MEOX2: variants seen among roughly 807,000 people sequenced by gnomAD.
MEOX2 encodes the protein homeobox protein MOX-2.
Under a neutral mutation model 27.0 loss-of-function variants are expected in MEOX2, and 11 were observed. That is an observed-to-expected ratio of 0.41 (90% CI 0.26 to 0.68). The LOEUF is 0.68. MEOX2 is among the 30% of genes least tolerant of loss of function. The probability of loss-of-function intolerance (pLI) is 0.33; values close to 1 mark genes in which losing one functional copy is unlikely to be tolerated. For synonymous variants in MEOX2, 189 were observed against 155.4 expected, an observed-to-expected ratio of 1.22 and a Z score of -1.61; for missense variants, 436 against 385.4, an observed-to-expected ratio of 1.13 and a Z score of -1.10.
At chr7:15,633,240 A>G (rs574963273) in intron 1 of MEOX2, among the ~76,000 whole-genome samples, 1 of 152,058 alleles carries the variant, frequency 6.6e-6, no homozygotes, top group South Asian at 2.1e-4. Context: ...CGCAGAAGCA[A>G]TAGGCAAGAT....
At chr7:15,668,784 C>T (rs1209839046) in intron 1 of MEOX2, among the ~76,000 whole-genome samples, 8 of 152,022 alleles carry the variant, frequency 5.3e-5, no homozygotes, top group Non-Finnish European at 1.0e-4. Flanking sequence ...CCAGTAGTTA[C>T]GTTTTAGGAG....
intron 2 of MEOX2, among the ~76,000 whole-genome samples, chr7:15,617,785 C>G (rs975455944): frequency 6.6e-6 from 1 of 152,074 alleles, no homozygotes; most frequent in African/African-American, 2.4e-5. Flanking sequence ...CATTTTCCTA[C>G]CTCTGTAATT....
intron 1 of MEOX2, chr7:15,668,203 T>G (rs1782039565): frequency 6.6e-6 from 1 of 152,230 alleles, no homozygotes; most frequent in Non-Finnish European, 1.5e-5. Flanking sequence ...ACAGAAGACC[T>G]TTGCCTTCTC....
intron 1 of MEOX2, among the ~76,000 whole-genome samples, chr7:15,670,834 G>T (rs1346496027): frequency 6.6e-6 from 1 of 152,094 alleles, no homozygotes; most frequent in Non-Finnish European, 1.5e-5. Context: ...AGACTACGGG[G>T]TCCTTGACTC....
intron 1 of MEOX2, among the ~76,000 whole-genome samples, chr7:15,653,835 C>T (rs1012324260): frequency 1.3e-5 from 2 of 151,906 alleles, no homozygotes; most frequent in Admixed American, 6.6e-5. Flanking sequence ...TGTAATACAT[C>T]AAAATAGAAT....
At chr7:15,649,696 T>C (rs1460199521) in intron 1 of MEOX2, among the ~76,000 whole-genome samples, 1 of 152,078 alleles carries the variant, frequency 6.6e-6, no homozygotes, top group East Asian at 1.9e-4. Flanking sequence ...CATGAATGAA[T>C]GACAAGCTGA....
chr7:15,653,878 C>G (rs1781779275), intron 1 of MEOX2, among the ~76,000 whole-genome samples: 1 of 151,952 alleles, frequency 6.6e-6, no homozygotes, highest in African/African-American at 2.4e-5. Flanking sequence ...TCTCCCTGTT[C>G]AAAATCGTTT....
intron 1 of MEOX2, chr7:15,677,772 T>A (rs772042077): frequency 6.6e-6 from 1 of 152,228 alleles, no homozygotes; most frequent in South Asian, 2.1e-4. Flanking sequence ...CAAATTGCCA[T>A]CATCAAACTC....
At chr7:15,674,374 G>A (rs1782157783) in intron 1 of MEOX2, among the ~76,000 whole-genome samples, 1 of 152,092 alleles carries the variant, frequency 6.6e-6, no homozygotes. Flanking sequence ...AGACCTGAAA[G>A]TAGGCAAAGG....
chr7:15,612,466 G>T lies in MEOX2; in HGVS notation c.836C>A (p.Thr279Asn). The T allele has an allele frequency of 6.2e-7, 1 of 1,614,132 alleles. No homozygotes were observed. The highest frequency in any genetic ancestry group is 8.5e-7 in the Non-Finnish European group (1 of 1,180,024). ...PSELSGIGAA[T>N]LQQTGDSIAN... ...TATAGAGTCCCCTGTTTGCTGGAGG[G>T]TGGCTGCACCAATTCCCGACAGCTC... The change falls in exon 3 of 3, where the codon ACC becomes AAC. Residue 279 changes from threonine to asparagine, a missense_variant. Transcript: ENST00000262041.
intron 1 of MEOX2, among the ~76,000 whole-genome samples, chr7:15,634,674 AG>A (rs1781455026): frequency 6.6e-6 from 1 of 151,964 alleles, no homozygotes; most frequent in Non-Finnish European, 1.5e-5. Context: ...AACTCTTTTT[AG>A]GAATGACCAA....
intron 1 of MEOX2, among the ~76,000 whole-genome samples, chr7:15,650,909 G>C (rs1781723374): frequency 6.6e-6 from 1 of 151,982 alleles, no homozygotes; most frequent in Non-Finnish European, 1.5e-5. Flanking sequence ...TATGAATCAG[G>C]ACTTGGAAAC....
chr7:15,621,071 C>A (rs1294241206), intron 2 of MEOX2, among the ~76,000 whole-genome samples: 2 of 152,094 alleles, frequency 1.3e-5, no homozygotes, highest in East Asian at 3.9e-4. Context: ...GAAAAAAACG[C>A]CAGAATAAGC....
At chr7:15,679,141 C>G (rs1417748621) in intron 1 of MEOX2, 3 of 152,106 alleles carry the variant, frequency 2.0e-5, no homozygotes, top group African/African-American at 7.2e-5. Flanking sequence ...TTCAGATTTA[C>G]TATTATCAGG....
chr7:15,671,064 T>G (rs949066199), intron 1 of MEOX2, among the ~76,000 whole-genome samples: 1 of 152,172 alleles, frequency 6.6e-6, no homozygotes, highest in African/African-American at 2.4e-5. Context: ...TTGAACATAA[T>G]GGACACAGGG....
chr7:15,621,885 G>C (rs564586743), intron 2 of MEOX2, among the ~76,000 whole-genome samples: 1 of 152,142 alleles, frequency 6.6e-6, no homozygotes, highest in Non-Finnish European at 1.5e-5. Flanking sequence ...TTGGGAGGCC[G>C]AGGCTGGTGG....
chr7:15,649,385 G>A (rs575065832), intron 1 of MEOX2, among the ~76,000 whole-genome samples: 10 of 152,028 alleles, frequency 6.6e-5, no homozygotes, highest in South Asian at 4.2e-4. Context: ...CTAAAACATC[G>A]AAGAACATAC....
At chr7:15,658,575 T>A (rs1329695764) in intron 1 of MEOX2, among the ~76,000 whole-genome samples, 1 of 152,160 alleles carries the variant, frequency 6.6e-6, no homozygotes, top group Non-Finnish European at 1.5e-5. Flanking sequence ...CCTTAGCTGT[T>A]ATGGACCAAA....
chr7:15,613,467 C>T (rs1781066740), intron 2 of MEOX2, among the ~76,000 whole-genome samples: 1 of 151,446 alleles, frequency 6.6e-6, no homozygotes, highest in South Asian at 2.1e-4. Flanking sequence ...ATTATTGCAT[C>T]TTGTTTAGGA....
Sources: gnomAD v4.1 joint callset for allele counts (sites outside exome capture counted in the v4.1 genomes callset) on GRCh38, gnomAD v4.1.1 for gene constraint, MANE v1.5 for transcripts, NCBI Gene and HGNC (gene_info 2026-07-23, HGNC 2026-07-21) for gene names.